The following MET variants were observed in gnomAD, a reference collection of about 807,000 sequenced individuals.
The protein encoded by MET is MET proto-oncogene, receptor tyrosine kinase, also known as hepatocyte growth factor receptor.
MET carries 48 observed loss-of-function variants against 133.1 expected under a neutral mutation model. That is an observed-to-expected ratio of 0.36 (90% confidence interval 0.29 to 0.46). The LOEUF (loss-of-function observed/expected upper bound fraction) is 0.46, where lower values mean the gene tolerates loss of function less well. Among genes scored for constraint, MET ranks in the 20% least tolerant of loss-of-function variants. The pLI is 1.00. For synonymous variants in MET, 628 were observed against 616.5 expected (o/e 1.02, Z -0.28); for missense variants, 1,442 against 1,695.9 (o/e 0.85, Z 2.63).
rs376459715 is a variant in MET, at chr7:116,757,660, C to A, written c.1988C>A (p.Ser663Ter). The A allele has an allele frequency of 6.2e-7, 1 of 1,613,852 alleles. No homozygotes were observed. The change falls in exon 8 of 21, where the codon TCG (serine) becomes TAG (stop). Residue 663 changes from serine to a stop codon, truncating the protein, a stop_gained. Transcript: ENST00000397752. LOFTEE classifies it high-confidence loss of function. ...CAGGATCCTGTAATAACAAGTATTT[C>A]GCCGAAATACGGTCCTATGGCTGGT... ...SYVDPVITSI[S>*]PKYGPMAGGT...
intron 1 of MET, among the ~76,000 whole-genome samples, chr7:116,690,089 G>T (rs1292218089): frequency 6.6e-6 from 1 of 152,064 alleles, no homozygotes; most frequent in African/African-American, 2.4e-5. Context: ...ACAGTCACCA[G>T]GTATTTGGAG....
intron 2 of MET, among the ~76,000 whole-genome samples, chr7:116,719,581 T>G (rs1275893989): frequency 6.6e-6 from 1 of 152,238 alleles, no homozygotes; most frequent in Non-Finnish European, 1.5e-5. Flanking sequence ...ATGTCCTGAA[T>G]GGTAATACCT....
chr7:116,729,749 C>T (rs1006183787), intron 2 of MET, among the ~76,000 whole-genome samples: 2 of 152,202 alleles, frequency 1.3e-5, no homozygotes, highest in South Asian at 2.1e-4. Context: ...GAACCAAATA[C>T]TCCCATTTGT....
intron 19 of MET, among the ~76,000 whole-genome samples, chr7:116,786,695 G>A (rs1020501108): frequency 1.3e-5 from 2 of 152,234 alleles, no homozygotes; most frequent in Non-Finnish European, 2.9e-5. Flanking sequence ...TCAGAGGACT[G>A]TGATGTCTGA....
At position 116,684,917 on chromosome 7, in the gene MET, C is replaced by T. The variant is rs1454746602; in HGVS notation, c.-15+12340C>T. On this transcript the variant is annotated intron_variant, in intron 1 of 20. Transcript: ENST00000397752. ...GGTGAGAATGGAGAGGGAAGACCAGCGAGGAAGCTGTTGTAGTAATCCAGG... is the reference window on the plus strand; with the variant it reads ...GGTGAGAATGGAGAGGGAAGACCAGTGAGGAAGCTGTTGTAGTAATCCAGG... Among the ~76,000 whole-genome samples, 6 of 152,088 alleles carry T rather than the reference C, an allele frequency of 3.9e-5. No individual in the cohort carries two copies. In the South Asian group the frequency reaches 8.3e-4, roughly 21 times the overall value.
At chr7:116,780,219 G>T (rs1317971935) in intron 17 of MET, among the ~76,000 whole-genome samples, 4 of 151,910 alleles carry the variant, frequency 2.6e-5, no homozygotes, top group Admixed American at 1.3e-4. Context: ...AGGGAGGGTG[G>T]GAATAAGAAT....
At chr7:116,742,701 C>G (rs1179289288) in intron 5 of MET, among the ~76,000 whole-genome samples, 1 of 152,176 alleles carries the variant, frequency 6.6e-6, no homozygotes, top group Non-Finnish European at 1.5e-5. Flanking sequence ...GAATCTCTTG[C>G]AATATTTAAA....
At chr7:116,675,754 CT>C (rs202113885) in intron 1 of MET, among the ~76,000 whole-genome samples, 35,107 of 146,072 alleles carry the variant, frequency 0.24, 5,310 homozygotes, top group African/African-American at 0.45. Flanking sequence ...TTCTCTCTCT[CT>C]TTTTTTTTTT....
At chr7:116,769,815 TG>T in intron 12 of MET, 24 bp downstream of exon 12, 2 of 1,613,462 alleles carry the variant, frequency 1.2e-6, no homozygotes, top group Non-Finnish European at 1.7e-6. Flanking sequence ...ATTCCTCTCA[TG>T]ATGTAAATAA....
rs764960693 is a variant in MET at position 116,763,078 on chromosome 7, T to G, written c.2393T>G (p.Ile798Arg). The G allele has an allele frequency of 5.6e-6, 9 of 1,614,076 alleles. No homozygotes were observed. The highest frequency in any genetic ancestry group is 7.6e-6 in the Non-Finnish European group (9 of 1,179,982). Residue 798 changes from isoleucine (I) to arginine (R), a missense_variant, in exon 11 of 21, where the codon ATA (isoleucine) becomes AGA (arginine). This residue lies in a region of MET where 514 missense variants were observed against 659.6 expected (regional missense o/e 0.78). Coordinates refer to ENST00000397752, the MANE Select transcript of MET (RefSeq NM_000245.4). ...VACQHRSNSE[I>R]ICCTTPSLQQ... ...TGTCAACATCGCTCTAATTCAGAGA[T>G]AATCTGTTGTACCACTCCTTCCCTG...
At position 116,757,778 on chromosome 7, in the gene MET, T is replaced by C. The variant is rs200601372; in HGVS notation, c.2102+4T>C. On this transcript the variant is annotated splice_donor_region_variant and intron_variant, in intron 8 of 20. Coordinates refer to ENST00000397752, the MANE Select transcript of MET (RefSeq NM_000245.4). ...GAAAAACATGTACTTTAAAAAGGTG[T>C]TGTAAATTTATTTTTTGTTGCATCT... 1 of 1,613,638 alleles carries C rather than the reference T, an allele frequency of 6.2e-7. No individual in the cohort carries two copies. The highest frequency in any genetic ancestry group is 2.2e-5 in the East Asian group (1 of 44,848).
At chr7:116,682,483 G>T (rs768648038) in intron 1 of MET, among the ~76,000 whole-genome samples, 1 of 152,034 alleles carries the variant, frequency 6.6e-6, no homozygotes, top group Non-Finnish European at 1.5e-5. Flanking sequence ...CAATAAAACC[G>T]GTTTTGAAAT....
chr7:116,716,495 AAGAAAGAAAGAAAG>A (rs1411228867), intron 2 of MET, among the ~76,000 whole-genome samples: 4 of 149,892 alleles, frequency 2.7e-5, no homozygotes, highest in Non-Finnish European at 5.9e-5. Context: ...GAAAGAAAGA[AAGAAAGAAAGAAAG>A]AAAGAAAGAA....
intron 1 of MET, among the ~76,000 whole-genome samples, chr7:116,687,978 C>T (rs76631208): frequency 0.072 from 10,921 of 152,218 alleles, 553 homozygotes; most frequent in African/African-American, 0.14. Flanking sequence ...TATCTGCTTT[C>T]GATAACAGCA....
chr7:116,768,065 T>C (rs537293613), intron 11 of MET, among the ~76,000 whole-genome samples: 8 of 151,560 alleles, frequency 5.3e-5, no homozygotes, highest in African/African-American at 1.7e-4. Context: ...GTTGCTTATA[T>C]AAGTCACTAC....
chr7:116,762,253 A>C (rs1794430644), intron 10 of MET, among the ~76,000 whole-genome samples: 1 of 152,206 alleles, frequency 6.6e-6, no homozygotes, highest in African/African-American at 2.4e-5. Flanking sequence ...GGGAGTGAAG[A>C]CACTGAATTT....
rs763196530 is a variant in MET at position 116,699,177 on chromosome 7, A to G, written c.93A>G (p.Ala31=). 3 of 1,613,956 alleles carry G rather than the reference A, an allele frequency of 1.9e-6. No individual in the cohort carries two copies. Among genetic ancestry groups the G allele is most frequent in the Non-Finnish European group, 1.7e-6 (2 of 1,179,892 alleles). Residue 31 remains alanine (A), a synonymous_variant, in exon 2 of 21, where the codon GCA becomes GCG. Transcript: ENST00000397752. ...ATGGGGAGTGTAAAGAGGCACTAGC[A>G]AAGTCCGAGATGAATGTGAATATGA... ...RSNGECKEAL[A]KSEMNVNMKY... is the part of the protein sequence containing the mutation.
At chr7:116,772,405 A>G (rs1409683864) in intron 14 of MET, among the ~76,000 whole-genome samples, 1 of 152,200 alleles carries the variant, frequency 6.6e-6, no homozygotes, top group African/African-American at 2.4e-5. Context: ...TAATTCTTCG[A>G]AGTGTTTTCA....
At chr7:116,716,291 GAGAGAGAGAGA>G (rs1792194859) in intron 2 of MET, among the ~76,000 whole-genome samples, 1 of 60,886 alleles carries the variant, frequency 1.6e-5, no homozygotes, top group Non-Finnish European at 3.5e-5. Flanking sequence ...GAGGGAGAGA[GAGAGAGAGAGA>G]GAGAGAGAGA....
Sources: gnomAD v4.1 joint callset for allele counts (sites outside exome capture counted in the v4.1 genomes callset) on GRCh38, gnomAD v4.1.1 for gene constraint, gnomAD v4.1.1 regional missense constraint, MANE v1.5 for transcripts, NCBI Gene and HGNC (gene_info 2026-07-23, HGNC 2026-07-21) for gene names.